Variants in TSACC observed in about 807,000 individuals in gnomAD.
TSACC encodes TSSK6-activating co-chaperone protein.
In TSACC, 3 loss-of-function variants were observed where a neutral mutation model predicts 6.9. The ratio of observed to expected loss-of-function variants is 0.43; its 90% CI spans 0.20 to 1.12. The LOEUF (loss-of-function observed/expected upper bound fraction) is 1.12, where lower values mean the gene tolerates loss of function less well. Among genes scored for constraint, TSACC ranks in the 50% most tolerant of loss-of-function variants. TSACC has a pLI of 0.28. For missense variants in TSACC, 137 were observed against 143.9 expected, an observed-to-expected ratio of 0.95 and a Z score of 0.24; for synonymous variants, 54 against 55.1, an observed-to-expected ratio of 0.98 and a Z score of 0.09.
At chr1:156,338,058 GC>G, upstream of TSACC, 1 of 1,334,080 alleles carries the variant, frequency 7.5e-7, no homozygotes, top group East Asian at 2.5e-5. Context: ...AGGCTCAGTG[GC>G]CCGGTCAGTG....
chr1:156,338,707 G>A (rs1019383703), intron 1 of TSACC, 102 bp downstream of exon 1: 1 of 156,776 alleles, frequency 6.4e-6, no homozygotes, highest in African/African-American at 2.4e-5. Flanking sequence ...CTTAGCAACA[G>A]GTGGACTAGA....
rs895083122 is a variant in TSACC, at chr1:156,346,970, A to G, written c.366A>G (p.Gln122=). 2.5e-6 allele frequency: 4 copies of G among 1,613,680 alleles called. No individual in the cohort carries two copies. The African/African-American group carries it at 5.3e-5, about 22-fold the overall frequency. ...ATCCATTGTTAAATCACCTGCCCCA[A>G]TTCAGTAAATGAATTGTGGAACAAA... is the stretch of plus-strand genomic sequence containing the variant. ...SPNPLLNHLP[Q]FSK is the part of the protein sequence containing the mutation. Residue 122 remains glutamine, a synonymous_variant, in exon 4 of 4, where the codon CAA becomes CAG. Coordinates refer to ENST00000368254, the MANE Select transcript of TSACC (RefSeq NM_001304817.2).
chr1:156,338,130 T>G (rs1665534453), upstream of TSACC: 1 of 1,577,502 alleles, frequency 6.3e-7, no homozygotes, highest in Non-Finnish European at 8.6e-7. Context: ...AGGGGGTCCA[T>G]TTCCTGGCAT....
chr1:156,344,046 C>T (rs1356957521), intron 2 of TSACC, among the ~76,000 whole-genome samples: 1 of 152,028 alleles, frequency 6.6e-6, no homozygotes, highest in African/African-American at 2.4e-5. Flanking sequence ...AGCCGCTTCT[C>T]AAGTTTTTAA....
chr1:156,339,713 T>G lies in TSACC; in HGVS notation c.-45T>G. 6.2e-7 allele frequency: 1 copy of G among 1,612,262 alleles called. No individual in the cohort carries two copies. The highest frequency in any genetic ancestry group is 8.5e-7 in the Non-Finnish European group (1 of 1,178,632). ...ATACTAACATGGATTGTTGATCATC[T>G]GATGCTATGATTCTTTCCCAGGCAC... On this transcript the variant is annotated 5_prime_UTR_variant, in exon 2 of 4. Coordinates refer to ENST00000368254, the MANE Select transcript of TSACC (RefSeq NM_001304817.2).
Position 156,346,875 on chromosome 1 carries a change from C to A in TSACC, c.271C>A (p.Gln91Lys). 2 of 1,614,196 alleles carry A rather than the reference C, an allele frequency of 1.2e-6. No homozygotes were observed. The highest frequency in any genetic ancestry group is 4.5e-5 in the East Asian group (2 of 44,886). ...QQQMAVLEHLQASVTQLAPGR... is the reference protein window; with the variant it reads ...QQQMAVLEHLKASVTQLAPGR... ...ACAGATGGCTGTTTTGGAACATTTA[C>A]AGGCATCTGTGACACAACTGGCTCC... is the stretch of plus-strand genomic sequence containing the variant. Residue 91 changes from glutamine (Q) to lysine (K), a missense_variant, in exon 4 of 4, where the codon CAG (glutamine) becomes AAG (lysine). Gln to Lys is a moderately conservative substitution (Grantham distance 53, BLOSUM62 1). Coordinates refer to ENST00000368254, the MANE Select transcript of TSACC (RefSeq NM_001304817.2).
chr1:156,338,061 C>G, upstream of TSACC: 1 of 1,373,528 alleles, frequency 7.3e-7, no homozygotes, highest in South Asian at 1.2e-5. Flanking sequence ...CTCAGTGGCC[C>G]GGTCAGTGGG....
In TSACC at chr1:156,339,843, G is replaced by T. The variant is rs563049614; in HGVS notation, c.34+52G>T. The T allele has an allele frequency of 1.7e-5, 27 of 1,601,982 alleles. No individual in the cohort carries two copies. The South Asian group carries it at 2.7e-4, about 16-fold the overall frequency. On this transcript the variant is annotated intron_variant, in intron 2 of 3. Transcript: ENST00000368254. ...TCCCTTAAAAAGCAAGACCTCCTTT[G>T]CATTCCCCACTAAATGGGAGCATTG...
intron 2 of TSACC, among the ~76,000 whole-genome samples, chr1:156,342,138 A>ATTTGCATGGAAATTAACACAT (rs1370473005): frequency 6.6e-6 from 1 of 152,170 alleles, no homozygotes; most frequent in Non-Finnish European, 1.5e-5. Context: ...TTAAAAGTGC[A>ATTTGCATGGAAATTAACACAT]TTTGCATGGA....
At chr1:156,341,797 C>T (rs1490947838) in intron 2 of TSACC, among the ~76,000 whole-genome samples, 2 of 152,172 alleles carry the variant, frequency 1.3e-5, no homozygotes, top group African/African-American at 4.8e-5. Context: ...GGCGCAGTGG[C>T]TCACGCTTGT....
chr1:156,344,035 C>T (rs958595973), intron 2 of TSACC, among the ~76,000 whole-genome samples: 3 of 152,128 alleles, frequency 2.0e-5, no homozygotes, highest in Admixed American at 6.6e-5. Context: ...CCACCGTGCC[C>T]AGCCGCTTCT....
At chr1:156,343,051 C>T (rs1437951860) in intron 2 of TSACC, among the ~76,000 whole-genome samples, 1 of 151,998 alleles carries the variant, frequency 6.6e-6, no homozygotes, top group Non-Finnish European at 1.5e-5. Flanking sequence ...TGTTTTTTGC[C>T]TTGGAGAGCT....
chr1:156,337,627 A>C (rs559488500), upstream of TSACC: 6 of 166,932 alleles, frequency 3.6e-5, no homozygotes, highest in South Asian at 3.8e-4. Flanking sequence ...TAAAGTGACC[A>C]AGGATATTAC....
rs1200983639 is a variant in TSACC, at chr1:156,346,787, A to G, written c.183A>G (p.Glu61=). ...KLPSVDHKPK[E]CLGLLECMYA... is the part of the protein sequence containing the mutation. Reference sequence around the variant, plus strand: ...CTGGAGTTGATCACAAGCCCAAGGAATGCCTAGGACTCCTGGAATGTATGT... The same window carrying G: ...CTGGAGTTGATCACAAGCCCAAGGAGTGCCTAGGACTCCTGGAATGTATGT... Residue 61 remains glutamate (E), a synonymous_variant, in exon 4 of 4, where the codon GAA becomes GAG. Transcript: ENST00000368254. The G allele has an allele frequency of 1.2e-6, 2 of 1,614,028 alleles. No individual in the cohort carries two copies. Among genetic ancestry groups the G allele is most frequent in the African/African-American group, 1.3e-5 (1 of 74,916 alleles).
intron 2 of TSACC, among the ~76,000 whole-genome samples, chr1:156,341,747 T>C (rs1665897408): frequency 6.6e-6 from 1 of 152,134 alleles, no homozygotes; most frequent in African/African-American, 2.4e-5. Context: ...TAAAGCATTC[T>C]TCAAACCTTA....
chr1:156,346,253 T>C (rs1158813050), intron 3 of TSACC, among the ~76,000 whole-genome samples: 1 of 151,722 alleles, frequency 6.6e-6, no homozygotes, highest in Non-Finnish European at 1.5e-5. Context: ...CAAGAATGGT[T>C]GAAGTTAGGG....
chr1:156,345,679 C>A (rs1666130359), intron 3 of TSACC, among the ~76,000 whole-genome samples: 1 of 150,748 alleles, frequency 6.6e-6, no homozygotes, highest in Non-Finnish European at 1.5e-5. Flanking sequence ...ACCAGCCTCA[C>A]CAACATGGTG....
intron 2 of TSACC, among the ~76,000 whole-genome samples, chr1:156,341,769 A>G (rs1183593894): frequency 6.6e-6 from 1 of 152,204 alleles, no homozygotes; most frequent in East Asian, 1.9e-4. Context: ...AACCCAGTAT[A>G]AAATGCATTC....
intron 2 of TSACC, 105 bp from the exon 3 acceptor site, chr1:156,344,475 C>G: frequency 6.9e-7 from 1 of 1,438,942 alleles, no homozygotes; most frequent in Non-Finnish European, 9.3e-7. Flanking sequence ...GTAACATATT[C>G]ACGGCAGGGC....
Sources: gnomAD v4.1 joint callset for allele counts (sites outside exome capture counted in the v4.1 genomes callset) on GRCh38, gnomAD v4.1.1 for gene constraint, MANE v1.5 for transcripts, NCBI Gene and HGNC (gene_info 2026-07-23, HGNC 2026-07-21) for gene names.